The following CHRM3 variants were observed in gnomAD, a reference collection of about 807,000 sequenced individuals.
CHRM3 encodes cholinergic receptor muscarinic 3, also known as muscarinic acetylcholine receptor M3.
CHRM3 carries 11 observed loss-of-function variants against 41.8 expected under a neutral mutation model. That is an observed-to-expected ratio of 0.26 (90% CI 0.17 to 0.44). The LOEUF (loss-of-function observed/expected upper bound fraction) is 0.44. Among genes scored for constraint, CHRM3 ranks in the 20% least tolerant of loss-of-function variants. CHRM3 has a pLI of 1.00. For missense variants in CHRM3, 571 were observed against 745.4 expected, an observed-to-expected ratio of 0.77 and a Z score of 2.72; for synonymous variants, 297 against 301.4, an observed-to-expected ratio of 0.99 and a Z score of 0.15.
At chr1:239,715,994 AGTT>A in intron 5 of CHRM3, among the ~76,000 whole-genome samples, 1 of 152,218 alleles carries the variant, frequency 6.6e-6, no homozygotes, top group Admixed American at 6.6e-5. Flanking sequence ...AGTCACATGA[AGTT>A]AACCAGAATG....
chr1:239,549,329 T>G (rs189031703), intron 3 of CHRM3, among the ~76,000 whole-genome samples: 52 of 152,104 alleles, frequency 3.4e-4, no homozygotes, highest in Middle Eastern at 3.4e-3. Flanking sequence ...ATGTTTACCT[T>G]AACATCACAA....
intron 2 of CHRM3, among the ~76,000 whole-genome samples, chr1:239,493,772 C>A (rs1656685878): frequency 6.6e-6 from 1 of 152,082 alleles, no homozygotes; most frequent in African/African-American, 2.4e-5. Context: ...TTTATTAATG[C>A]CCAATAGTTC....
At chr1:239,563,738 T>C (rs1661100839) in intron 3 of CHRM3, among the ~76,000 whole-genome samples, 1 of 152,164 alleles carries the variant, frequency 6.6e-6, no homozygotes, top group Admixed American at 6.6e-5. Flanking sequence ...TAAGTACTCA[T>C]CTGACGAGAG....
rs547393027 is a variant in CHRM3 at position 239,403,969 on chromosome 1, G to A, written c.-521+16742G>A. On this transcript the variant is annotated intron_variant, in intron 1 of 6. Coordinates refer to ENST00000676153, the MANE Select transcript of CHRM3 (RefSeq NM_001375978.1). ...AGAGAGAGGGAGGGAGGGAGGGAGAGGGAGGGGGAGAGAGAGAGAGAGAGA... is the reference window on the plus strand; with the variant it reads ...AGAGAGAGGGAGGGAGGGAGGGAGAAGGAGGGGGAGAGAGAGAGAGAGAGA... Among the ~76,000 whole-genome samples, 247 of 115,972 alleles carry A rather than the reference G, an allele frequency of 2.1e-3. 2 individuals carry two copies. The highest frequency in any genetic ancestry group is 7.8e-3 in the African/African-American group (238 of 30,594). 76.1% of individuals were successfully genotyped at this position (115,972 alleles called of 152,430 possible). A position where few individuals can be genotyped will look rare whatever the true frequency, so the allele number is the denominator to read the frequency against.
intron 3 of CHRM3, among the ~76,000 whole-genome samples, chr1:239,622,401 A>G (rs945580046): frequency 1.3e-5 from 2 of 152,224 alleles, no homozygotes; most frequent in Non-Finnish European, 1.5e-5. Context: ...GGCAATGTCA[A>G]TTGAAAACCT....
At chr1:239,905,242 AGCT>A in intron 6 of CHRM3, among the ~76,000 whole-genome samples, 1 of 152,168 alleles carries the variant, frequency 6.6e-6, no homozygotes, top group East Asian at 1.9e-4. Context: ...ACCTGGAAGG[AGCT>A]GGTGGAGAGG....
chr1:239,904,323 C>T (rs148023568), intron 6 of CHRM3, among the ~76,000 whole-genome samples: 1,760 of 152,264 alleles, frequency 0.012, 17 homozygotes, highest in Non-Finnish European at 0.016. Flanking sequence ...TGCCACTTAT[C>T]GGCGTATGGG....
chr1:239,700,813 G>A (rs982147245), intron 5 of CHRM3, among the ~76,000 whole-genome samples: 1 of 152,112 alleles, frequency 6.6e-6, no homozygotes, highest in Non-Finnish European at 1.5e-5. Context: ...TTACCTAGCG[G>A]CTTTGGGAAG....
At position 239,744,971 on chromosome 1, in the gene CHRM3, A is replaced by C. The variant is rs184877814; in HGVS notation, c.-147+66683A>C. Among the ~76,000 whole-genome samples, 6 of 152,212 alleles carry C rather than the reference A, an allele frequency of 3.9e-5. No homozygotes were observed. The East Asian group carries it at 1.2e-3, about 30-fold the overall frequency. Reference sequence around the variant, plus strand: ...GCAGGCGAAGGGACTGGCTTAGTGCAAGGACATGGAGCAAGGGGTGGTTTG... The same window carrying C: ...GCAGGCGAAGGGACTGGCTTAGTGCCAGGACATGGAGCAAGGGGTGGTTTG... On this transcript the variant is annotated intron_variant, in intron 5 of 6. Transcript: ENST00000676153.
intron 1 of CHRM3, among the ~76,000 whole-genome samples, chr1:239,421,813 C>T (rs1402624459): frequency 6.6e-6 from 1 of 152,134 alleles, no homozygotes; most frequent in Admixed American, 6.5e-5. Context: ...AGTCTTTACT[C>T]CTCGTTGCCA....
intron 2 of CHRM3, among the ~76,000 whole-genome samples, chr1:239,513,289 T>G (rs1669044739): frequency 6.6e-6 from 1 of 152,222 alleles, no homozygotes; most frequent in Non-Finnish European, 1.5e-5. Context: ...TCTTTGTTTT[T>G]CAAAATAATA....
chr1:239,770,809 T>C (rs1261778187), intron 5 of CHRM3, among the ~76,000 whole-genome samples: 2 of 152,084 alleles, frequency 1.3e-5, no homozygotes, highest in Non-Finnish European at 2.9e-5. Context: ...CAATTTGTCT[T>C]AAGATACAGG....
chr1:239,852,967 A>C (rs1298964848), intron 6 of CHRM3, among the ~76,000 whole-genome samples: 3 of 152,066 alleles, frequency 2.0e-5, no homozygotes, highest in Non-Finnish European at 4.4e-5. Context: ...TCTGTCATGA[A>C]AGTTTGGACT....
At chr1:239,432,802 A>T (rs1283398388) in intron 1 of CHRM3, among the ~76,000 whole-genome samples, 1 of 152,218 alleles carries the variant, frequency 6.6e-6, no homozygotes. Flanking sequence ...TAAGGATCAT[A>T]TTGGCCTGTG....
chr1:239,726,076 A>G (rs957154066), intron 5 of CHRM3, among the ~76,000 whole-genome samples: 2 of 151,950 alleles, frequency 1.3e-5, no homozygotes, highest in Non-Finnish European at 2.9e-5. Flanking sequence ...GTTCATTTAC[A>G]TGTTGTCTAT....
At chr1:239,443,303 G>C (rs1392751065) in intron 1 of CHRM3, among the ~76,000 whole-genome samples, 1 of 152,198 alleles carries the variant, frequency 6.6e-6, no homozygotes, top group Non-Finnish European at 1.5e-5. Context: ...TTTCGTCATA[G>C]AGTCTCCTGA....
At chr1:239,829,542 A>C (rs2149091715) in intron 6 of CHRM3, among the ~76,000 whole-genome samples, 1 of 152,322 alleles carries the variant, frequency 6.6e-6, no homozygotes, top group South Asian at 2.1e-4. Flanking sequence ...TTTCTATACC[A>C]AAAAAGCATG....
intron 6 of CHRM3, among the ~76,000 whole-genome samples, chr1:239,834,692 C>T (rs1468655796): frequency 2.6e-5 from 4 of 152,128 alleles, no homozygotes; most frequent in Admixed American, 6.5e-5. Context: ...GTATTCATGC[C>T]TCCTCGCTCA....
In CHRM3 at chr1:239,761,597, C is replaced by T. The variant is rs150619285; in HGVS notation, c.-146-65655C>T. Among the ~76,000 whole-genome samples the T allele has an allele frequency of 4.5e-3, 682 of 152,242 alleles. 5 individuals are homozygous for T. The highest frequency in any genetic ancestry group is 0.014 in the Middle Eastern group (4 of 294). On this transcript the variant is annotated intron_variant, in intron 5 of 6. Transcript: ENST00000676153. ...GCTTTTTAACTGTGTTAGGAGGAAC[C>T]AAAAAGTGCCTACTCTGGCACTACC...
Sources: allele counts gnomAD v4.1 joint callset (sites outside exome capture counted in the v4.1 genomes callset), GRCh38; gene constraint gnomAD v4.1.1; transcripts MANE v1.5; gene names NCBI Gene and HGNC (gene_info 2026-07-23, HGNC 2026-07-21).